Variants in RBFOX1 observed in about 807,000 individuals in gnomAD.
RBFOX1 encodes RNA binding fox-1 homolog 1, also known as RNA binding protein fox-1 homolog 1.
In RBFOX1, 8 loss-of-function variants were observed where a neutral mutation model predicts 57.7. That is an observed-to-expected ratio of 0.14 (90% CI 0.08 to 0.25). The LOEUF (loss-of-function observed/expected upper bound fraction) is 0.25, where lower values mean the gene tolerates loss of function less well. Ranked by LOEUF, RBFOX1 falls within the 10% of genes least tolerant of loss-of-function variation. RBFOX1 has a pLI of 1.00. For missense variants in RBFOX1, 611 were observed against 548.5 expected, an observed-to-expected ratio of 1.11 and a Z score of -1.14; for synonymous variants, 326 against 222.4, an observed-to-expected ratio of 1.47 and a Z score of -4.15.
chr16:6,872,508 C>G (rs1603634960), intron 3 of RBFOX1, among the ~76,000 whole-genome samples: 2 of 152,108 alleles, frequency 1.3e-5, no homozygotes. Flanking sequence ...CCTGAATTCC[C>G]TATGATTTTC....
chr16:7,554,648 AC>A (rs1191172909), intron 5 of RBFOX1, among the ~76,000 whole-genome samples: 1 of 151,296 alleles, frequency 6.6e-6, no homozygotes, highest in Non-Finnish European at 1.5e-5. Context: ...TGAGCCTCTA[AC>A]CTTTTTTTTT....
At chr16:7,028,379 G>C (rs2041611123) in intron 3 of RBFOX1, among the ~76,000 whole-genome samples, 1 of 151,980 alleles carries the variant, frequency 6.6e-6, no homozygotes, top group South Asian at 2.1e-4. Flanking sequence ...TTATCTCTCT[G>C]ATGCTTGATC....
chr16:7,142,309 C>T (rs920611142), intron 4 of RBFOX1, among the ~76,000 whole-genome samples: 1 of 152,266 alleles, frequency 6.6e-6, no homozygotes, highest in East Asian at 1.9e-4. Context: ...TGGACATGAG[C>T]CACCACACCT....
intron 1 of RBFOX1, chr16:6,092,998 C>A (rs557292519): frequency 6.6e-6 from 1 of 152,146 alleles, no homozygotes; most frequent in Non-Finnish European, 1.5e-5. Flanking sequence ...ATAATCTATA[C>A]ACCAAAACCA....
intron 4 of RBFOX1, among the ~76,000 whole-genome samples, chr16:5,883,050 C>A (rs1475463363): frequency 6.6e-6 from 1 of 152,142 alleles, no homozygotes; most frequent in African/African-American, 2.4e-5. Flanking sequence ...CTGCTCAAAG[C>A]CTGTACAAGC....
intron 2 of RBFOX1, among the ~76,000 whole-genome samples, chr16:6,526,792 C>A (rs1330487324): frequency 7.9e-6 from 1 of 127,124 alleles, no homozygotes; most frequent in African/African-American, 3.0e-5. Context: ...ATTGCACTAC[C>A]ACACTCCACC....
intron 1 of RBFOX1, among the ~76,000 whole-genome samples, chr16:5,447,926 A>G (rs951111140): frequency 6.6e-6 from 1 of 152,086 alleles, no homozygotes; most frequent in East Asian, 1.9e-4. Flanking sequence ...TTTCCCACTC[A>G]TTCTGTGTAG....
intron 4 of RBFOX1, among the ~76,000 whole-genome samples, chr16:5,918,399 C>A (rs886504126): frequency 1.3e-5 from 2 of 152,178 alleles, no homozygotes; most frequent in African/African-American, 4.8e-5. Context: ...GGATTATAGG[C>A]GAGAGCAACC....
intron 4 of RBFOX1, among the ~76,000 whole-genome samples, chr16:5,956,642 ATATATATATATATATT>A (rs1473977469): frequency 2.9e-5 from 3 of 104,602 alleles, no homozygotes; most frequent in African/African-American, 7.5e-5. Context: ...AAAAACAAAT[ATATATATATATATATT>A]TATATATATA....
At chr16:7,260,735 T>G (rs1392223027) in intron 4 of RBFOX1, among the ~76,000 whole-genome samples, 12 of 152,184 alleles carry the variant, frequency 7.9e-5, no homozygotes, top group African/African-American at 2.7e-4. Flanking sequence ...CCAAAGCTTT[T>G]TACGAACTTC....
rs529411581 is a variant in RBFOX1, at chr16:6,520,717, C to G, written c.-63-133886C>G. On this transcript the variant is annotated intron_variant, in intron 2 of 15. Transcript: ENST00000550418. ...AACCCTGCTTAGTTTGATCCAGACA[C>G]CCTTAGAACCTCTAAGTGGCTTCGT... 2.0e-5 allele frequency among the ~76,000 whole-genome samples: 3 copies of G among 152,120 alleles called. No homozygotes were observed. In the East Asian group the frequency reaches 5.8e-4, roughly 29 times the overall value.
At chr16:6,782,952 G>C (rs11861866) in intron 3 of RBFOX1, among the ~76,000 whole-genome samples, 16,214 of 151,968 alleles carry the variant, frequency 0.11, 951 homozygotes, top group African/African-American at 0.15. Context: ...CTTATATCCT[G>C]TTGCTGAGTT....
At chr16:5,875,662 A>G (rs1390615296) in intron 4 of RBFOX1, among the ~76,000 whole-genome samples, 5 of 152,128 alleles carry the variant, frequency 3.3e-5, no homozygotes, top group Admixed American at 6.5e-5. Flanking sequence ...ACTAGAACCA[A>G]TTCCTGGCGT....
At chr16:7,448,672 C>T (rs1235671368) in intron 4 of RBFOX1, among the ~76,000 whole-genome samples, 4 of 152,198 alleles carry the variant, frequency 2.6e-5, no homozygotes, top group African/African-American at 4.8e-5. Context: ...CTTTGTTTCT[C>T]TCCTGGCTCC....
chr16:5,781,361 T>A (rs540767947), intron 3 of RBFOX1, among the ~76,000 whole-genome samples: 6 of 152,310 alleles, frequency 3.9e-5, no homozygotes, highest in African/African-American at 1.4e-4. Context: ...AGTGAGCTTC[T>A]CAATGGATTG....
chr16:6,485,474 CT>C (rs1388523730), intron 2 of RBFOX1, among the ~76,000 whole-genome samples: 1 of 152,020 alleles, frequency 6.6e-6, no homozygotes, highest in Non-Finnish European at 1.5e-5. Flanking sequence ...GCACAGAAAC[CT>C]TTTAGGTATC....
chr16:7,134,914 C>T (rs376978048), intron 4 of RBFOX1, among the ~76,000 whole-genome samples: 4 of 150,402 alleles, frequency 2.7e-5, no homozygotes, highest in Non-Finnish European at 5.9e-5. Context: ...TGGTGGTTGC[C>T]GTTGAATTTA....
At chr16:6,667,733 T>C (rs935375549) in intron 3 of RBFOX1, among the ~76,000 whole-genome samples, 2 of 151,968 alleles carry the variant, frequency 1.3e-5, no homozygotes, top group Non-Finnish European at 1.5e-5. Context: ...GAAAAAAATA[T>C]AGCCACATAG....
intron 1 of RBFOX1, among the ~76,000 whole-genome samples, chr16:6,129,494 G>A (rs1302486397): frequency 6.6e-6 from 1 of 152,004 alleles, no homozygotes; most frequent in Non-Finnish European, 1.5e-5. Context: ...AGGAAACAAA[G>A]GTAGTAAAAT....
Sources: gnomAD v4.1 joint callset for allele counts (sites outside exome capture counted in the v4.1 genomes callset) on GRCh38, gnomAD v4.1.1 for gene constraint, MANE v1.5 for transcripts, NCBI Gene and HGNC (gene_info 2026-07-23, HGNC 2026-07-21) for gene names.